Variants in TRABD2A observed in about 807,000 individuals in gnomAD.
TRABD2A encodes the protein metalloprotease TIKI1.
In TRABD2A, 43 loss-of-function variants were observed where a neutral mutation model predicts 45.6. The observed-to-expected ratio is 0.94, with a 90% CI of 0.74 to 1.22. The LOEUF (loss-of-function observed/expected upper bound fraction) is 1.22. Ranked by LOEUF, TRABD2A falls within the 50% of genes most tolerant of loss-of-function variation. TRABD2A has a pLI of 0.00. For missense variants in TRABD2A, 642 were observed against 652.4 expected, an observed-to-expected ratio of 0.98 and a Z score of 0.17; for synonymous variants, 269 against 265.0, an observed-to-expected ratio of 1.02 and a Z score of -0.15.
intron 4 of TRABD2A, chr2:84,833,972 G>C (rs1681421067): frequency 6.6e-6 from 1 of 152,344 alleles, no homozygotes; most frequent in Non-Finnish European, 1.5e-5. Flanking sequence ...GAACCCAGTC[G>C]ACCTTTCCCC....
intron 5 of TRABD2A, among the ~76,000 whole-genome samples, chr2:84,825,305 C>T (rs1356255231): frequency 6.6e-6 from 1 of 152,010 alleles, no homozygotes; most frequent in Non-Finnish European, 1.5e-5. Context: ...CATGGCAGAA[C>T]CTGAGAAGTC....
intron 3 of TRABD2A, 117 bp from the exon 4 acceptor site, chr2:84,839,440 G>A: frequency 1.0e-6 from 1 of 976,052 alleles, no homozygotes; most frequent in South Asian, 1.8e-5. Flanking sequence ...AGAGAAGAGT[G>A]ACACCATTCT....
chr2:84,848,516 T>A (rs897813425), intron 2 of TRABD2A, among the ~76,000 whole-genome samples: 1 of 148,080 alleles, frequency 6.8e-6, no homozygotes, highest in African/African-American at 2.5e-5. Context: ...AAAATATATT[T>A]TATATATATA....
Position 84,823,994 on chromosome 2 carries a change from T to A in TRABD2A, c.1293A>T (p.Arg431=). ...KKRRRSQRRP[R]LRQFSDLWVR... The stretch of plus-strand genomic sequence containing the variant: ...CCCACAGATCGCTGAATTGCCGGAG[T>A]CGCGGCCTCCGCTGTGACCGCCTCC... Residue 431 remains arginine, a synonymous_variant, in exon 6 of 7, where the codon CGA becomes CGT. Coordinates refer to ENST00000409520, the MANE Select transcript of TRABD2A (RefSeq NM_001277053.2). 1.2e-6 allele frequency: 2 copies of A among 1,613,746 alleles called. No homozygotes were observed. The highest frequency in any genetic ancestry group is 1.7e-6 in the Non-Finnish European group (2 of 1,179,858).
intron 2 of TRABD2A, among the ~76,000 whole-genome samples, chr2:84,847,631 G>A (rs1681942332): frequency 6.6e-6 from 1 of 152,332 alleles, no homozygotes; most frequent in East Asian, 1.9e-4. Flanking sequence ...AGGCACAAGG[G>A]TCCTGGATGG....
rs1389808734 is a variant in TRABD2A at position 84,841,877 on chromosome 2, C to T, written c.800G>A (p.Ser267Asn). 5.2e-6 allele frequency: 8 copies of T among 1,539,600 alleles called. No individual in the cohort carries two copies. The highest frequency in any genetic ancestry group is 7.0e-6 in the Non-Finnish European group (8 of 1,142,790). Reference sequence around the variant, plus strand: ...GGTGCTCACCTGGGAGCTGTCATGGCTGAGGATGACGGAGCTGAGGTCCCC... The same window carrying T: ...GGTGCTCACCTGGGAGCTGTCATGGTTGAGGATGACGGAGCTGAGGTCCCC... ...NCGDLSSVIL[S>N]HDSSQVPNFI... is the part of the protein sequence containing the mutation. The change falls in exon 3 of 7, where the codon AGC (serine) becomes AAC (asparagine). Residue 267 changes from serine to asparagine, a missense_variant. Ser to Asn is a conservative substitution (Grantham distance 46, BLOSUM62 1). Transcript: ENST00000409520.
intron 4 of TRABD2A, chr2:84,833,705 C>T (rs1681411447): frequency 6.6e-6 from 1 of 151,818 alleles, no homozygotes; most frequent in African/African-American, 2.4e-5. Flanking sequence ...AAAGCAGCTA[C>T]AGGAATATAA....
At chr2:84,866,850 T>C (rs1682692602) in intron 2 of TRABD2A, among the ~76,000 whole-genome samples, 1 of 152,188 alleles carries the variant, frequency 6.6e-6, no homozygotes. Context: ...TTTGGGAGAC[T>C]GAGGCAGGAA....
chr2:84,863,239 C>CTTTTTTTTTTTTTTTCTTTTTTT (rs1682555720), intron 2 of TRABD2A, among the ~76,000 whole-genome samples: 1 of 98,132 alleles, frequency 1.0e-5, no homozygotes, highest in Non-Finnish European at 1.9e-5. Context: ...TCATGTGAAT[C>CTTTTTTTTTTTTTTTCTTTTTTT]TTTTTTTTTT....
chr2:84,878,178 G>A (rs1683087599), intron 1 of TRABD2A, among the ~76,000 whole-genome samples: 1 of 152,188 alleles, frequency 6.6e-6, no homozygotes, highest in Non-Finnish European at 1.5e-5. Flanking sequence ...AGGTAAGGGA[G>A]CAAGCCTGTG....
chr2:84,848,300 T>C (rs1681965283), intron 2 of TRABD2A, among the ~76,000 whole-genome samples: 1 of 150,976 alleles, frequency 6.6e-6, no homozygotes, highest in Non-Finnish European at 1.5e-5. Flanking sequence ...TTGTATCTCT[T>C]TCCATGGATG....
intron 2 of TRABD2A, among the ~76,000 whole-genome samples, chr2:84,862,820 A>G (rs922212618): frequency 2.0e-5 from 3 of 152,162 alleles, no homozygotes; most frequent in Non-Finnish European, 4.4e-5. Context: ...GCCCAGGGGG[A>G]AGCAGAGCTA....
intron 5 of TRABD2A, among the ~76,000 whole-genome samples, chr2:84,829,232 C>A (rs1681238599): frequency 6.6e-6 from 1 of 152,040 alleles, no homozygotes; most frequent in African/African-American, 2.4e-5. Flanking sequence ...AGTGAGAACA[C>A]TTGTTCTCAG....
At position 84,832,047 on chromosome 2, in the gene TRABD2A, A is replaced by G; in HGVS notation, c.1082+8T>C. The G allele has an allele frequency of 6.2e-7, 1 of 1,613,950 alleles. No individual in the cohort carries two copies. Among genetic ancestry groups the G allele is most frequent in the South Asian group, 1.1e-5 (1 of 91,078 alleles). On this transcript the variant is annotated splice_region_variant and intron_variant, in intron 5 of 6. Coordinates refer to ENST00000409520, the MANE Select transcript of TRABD2A (RefSeq NM_001277053.2). ...TCCCCAGCCAAGATAGAAGCACAGG[A>G]CGGTTACTTGTGGATGGGTCGTCCA...
At position 84,832,038 on chromosome 2, in the gene TRABD2A, AAGCACAGGAC is replaced by A. The variant is rs1389886677; in HGVS notation, c.1082+7_1082+16del. The A allele has an allele frequency of 3.7e-6, 6 of 1,613,758 alleles. No homozygotes were observed. Among genetic ancestry groups the A allele is most frequent in the Non-Finnish European group, 5.1e-6 (6 of 1,179,844 alleles). On this transcript the variant is annotated splice_region_variant and intron_variant, in intron 5 of 6. Coordinates refer to ENST00000409520, the MANE Select transcript of TRABD2A (RefSeq NM_001277053.2). ...GGTCTCAGCTCCCCAGCCAAGATAGAAGCACAGGACGGTTACTTGTGGATGGGTCGTCCAG... is the reference window on the plus strand; with the variant it reads ...GGTCTCAGCTCCCCAGCCAAGATAGAGGTTACTTGTGGATGGGTCGTCCAG...
intron 2 of TRABD2A, among the ~76,000 whole-genome samples, chr2:84,861,915 C>T (rs1394878574): frequency 6.6e-6 from 1 of 152,220 alleles, no homozygotes; most frequent in East Asian, 1.9e-4. Context: ...TGCTGAAGCT[C>T]CCTTTTAAGC....
Position 84,824,090 on chromosome 2 carries a change from C to A in TRABD2A, c.1197G>T (p.Leu399=), listed in dbSNP as rs1038249257. 1.9e-5 allele frequency: 31 copies of A among 1,613,706 alleles called. No individual in the cohort carries two copies. In the Admixed American group the frequency reaches 3.2e-4, roughly 16 times the overall value. ...TTCCAGGCCGGGACACAAGGGGAGGCAGCGTTGAGTGCCCTGAGGATACGG... is the reference window on the plus strand; with the variant it reads ...TTCCAGGCCGGGACACAAGGGGAGGAAGCGTTGAGTGCCCTGAGGATACGG... ...PEAVSSGHST[L]PPLVSRPGSA... Residue 399 remains leucine, a synonymous_variant, in exon 6 of 7, where the codon CTG becomes CTT. Coordinates refer to ENST00000409520, the MANE Select transcript of TRABD2A (RefSeq NM_001277053.2).
chr2:84,852,498 G>A (rs1032287889), intron 2 of TRABD2A, among the ~76,000 whole-genome samples: 3 of 152,064 alleles, frequency 2.0e-5, no homozygotes, highest in Admixed American at 2.0e-4. Flanking sequence ...ACCATGGGCT[G>A]GGGGGAGGGG....
intron 6 of TRABD2A, among the ~76,000 whole-genome samples, chr2:84,823,531 T>G (rs1375848902): frequency 6.6e-6 from 1 of 152,172 alleles, no homozygotes; most frequent in African/African-American, 2.4e-5. Flanking sequence ...GAGACTACAT[T>G]TGGTGTAGGG....
Sources: gnomAD v4.1 joint callset for allele counts (sites outside exome capture counted in the v4.1 genomes callset) on GRCh38, gnomAD v4.1.1 for gene constraint, MANE v1.5 for transcripts, NCBI Gene and HGNC (gene_info 2026-07-23, HGNC 2026-07-21) for gene names.